NBPF15: variants seen among roughly 807,000 people sequenced by gnomAD.
NBPF15 encodes NBPF member 15.
Under a neutral mutation model 62.2 loss-of-function variants are expected in NBPF15, and 74 were observed. The ratio of observed to expected loss-of-function variants is 1.19; its 90% CI spans 0.99 to 1.44. The LOEUF is 1.44. Among genes scored for constraint, NBPF15 ranks in the 40% most tolerant of loss-of-function variants. NBPF15 has a pLI of 0.00. For missense variants in NBPF15, 790 were observed against 550.0 expected (o/e 1.44, Z -4.36); for synonymous variants, 244 against 209.7 (o/e 1.16, Z -1.41).
intron 15 of NBPF15, among the ~76,000 whole-genome samples, chr1:144,428,303 G>T (rs1476528651): frequency 5.3e-5 from 8 of 151,854 alleles, no homozygotes; most frequent in African/African-American, 1.7e-4. Context: ...ACAGTGAACA[G>T]TGATCATGAA....
At chr1:144,431,092 C>T (rs1243049370) in intron 13 of NBPF15, among the ~76,000 whole-genome samples, 7 of 151,602 alleles carry the variant, frequency 4.6e-5, no homozygotes, top group East Asian at 3.9e-4. Flanking sequence ...ACCAAATCTA[C>T]GTTTGATTGG....
At chr1:144,439,395 A>G (rs1218475666) in intron 8 of NBPF15, among the ~76,000 whole-genome samples, 4 of 152,078 alleles carry the variant, frequency 2.6e-5, no homozygotes, top group African/African-American at 9.7e-5. Context: ...AGTTTCCCTC[A>G]GAGTCACTAG....
At chr1:144,438,908 A>G (rs1297644894) in intron 8 of NBPF15, among the ~76,000 whole-genome samples, 2 of 151,912 alleles carry the variant, frequency 1.3e-5, no homozygotes, top group Admixed American at 6.6e-5. Context: ...TTTAGCAACA[A>G]GACTCTGTGC....
In NBPF15 at chr1:144,435,278, T is replaced by C. The variant is rs1558605482; in HGVS notation, c.605A>G (p.Asp202Gly). 5 of 1,611,960 alleles carry C rather than the reference T, an allele frequency of 3.1e-6. No individual in the cohort carries two copies. Among genetic ancestry groups the C allele is most frequent in the Middle Eastern group, 2.0e-4 (1 of 4,954 alleles). The change falls in exon 12 of 22, where the codon GAC becomes GGC. Residue 202 changes from aspartate to glycine, a missense_variant. By Grantham distance (94) the Asp-to-Gly change is moderately conservative (BLOSUM62 -1). Transcript: ENST00000581897. ...QKAEEKEVPE[D>G]SLEECAITCS... is the part of the protein sequence containing the mutation. The stretch of plus-strand genomic sequence containing the variant: ...AGTGATGGCACATTCCTCCAGTGAG[T>C]CCTCAGGGACTTCCTTTTCTTCAGC...
intron 17 of NBPF15, 22 bp downstream of exon 17, chr1:144,427,025 A>G (rs1553539392): frequency 1.3e-6 from 1 of 760,138 alleles, no homozygotes; most frequent in East Asian, 2.4e-5. Context: ...ACAATTAAGC[A>G]TCCATAATTG....
In NBPF15 at chr1:144,444,103, A is replaced by G. The variant is rs1225638950; in HGVS notation, c.-190-3808T>C. ...ATTCCTTCGTGTGGCTATACCATGT[A>G]TGTTTGTACTTTCACTTGTTATTGG... On this transcript the variant is annotated intron_variant, in intron 6 of 21. Coordinates refer to ENST00000581897, the MANE Select transcript of NBPF15 (RefSeq NM_001385408.1). Among the ~76,000 whole-genome samples, 4 of 151,796 alleles carry G rather than the reference A, an allele frequency of 2.6e-5. 1 individual carries two copies. The highest frequency in any genetic ancestry group is 7.3e-5 in the African/African-American group (3 of 41,256).
chr1:144,444,356 G>A (rs1346067298), intron 6 of NBPF15, among the ~76,000 whole-genome samples: 1 of 151,280 alleles, frequency 6.6e-6, no homozygotes, highest in East Asian at 1.9e-4. Context: ...TTTTTCCTGG[G>A]CCTTAAAGCA....
chr1:144,443,283 G>C (rs1684933070), intron 6 of NBPF15, among the ~76,000 whole-genome samples: 1 of 151,914 alleles, frequency 6.6e-6, no homozygotes, highest in Non-Finnish European at 1.5e-5. Flanking sequence ...TGGGCATATT[G>C]TTTGAATCTG....
chr1:144,445,760 T>G (rs1687051462), intron 6 of NBPF15, among the ~76,000 whole-genome samples: 1 of 151,408 alleles, frequency 6.6e-6, no homozygotes, highest in Non-Finnish European at 1.5e-5. Flanking sequence ...TGACAAGGTT[T>G]ATCTCCCCAC....
At chr1:144,432,349 A>C (rs1674975627) in intron 13 of NBPF15, among the ~76,000 whole-genome samples, 1 of 151,984 alleles carries the variant, frequency 6.6e-6, no homozygotes, top group Admixed American at 6.6e-5. Flanking sequence ...AGCCACTACA[A>C]AAACATGCCA....
At chr1:144,428,434 A>G (rs1490708121) in intron 15 of NBPF15, among the ~76,000 whole-genome samples, 172 bp downstream of exon 15, 12 of 152,188 alleles carry the variant, frequency 7.9e-5, no homozygotes, top group Non-Finnish European at 1.8e-4. Context: ...GTGTAGGAAG[A>G]AATGGAAACC....
In NBPF15 at chr1:144,439,413, C is replaced by T. The variant is rs587745393; in HGVS notation, c.175+416G>A. Among the ~76,000 whole-genome samples, 240 of 152,168 alleles carry T rather than the reference C, an allele frequency of 1.6e-3. 1 individual carries two copies. The highest frequency in any genetic ancestry group is 2.5e-3 in the Non-Finnish European group (168 of 67,986). ...TTCCCTCAGAGTCACTAGAACAGAG[C>T]TTTGCCTGTTGGGCCTCCACAGAAA... On this transcript the variant is annotated intron_variant, in intron 8 of 21. Transcript: ENST00000581897.
At chr1:144,433,284 T>C (rs1347833932) in intron 13 of NBPF15, among the ~76,000 whole-genome samples, 1 of 152,038 alleles carries the variant, frequency 6.6e-6, no homozygotes, top group African/African-American at 2.4e-5. Context: ...CCAGAATCTC[T>C]GAGACACATT....
At chr1:144,447,823 G>T (rs1420099509) in intron 6 of NBPF15, among the ~76,000 whole-genome samples, 3 of 152,064 alleles carry the variant, frequency 2.0e-5, no homozygotes, top group Non-Finnish European at 2.9e-5. Flanking sequence ...GAAATAAAGT[G>T]CTACATGGCA....
intron 17 of NBPF15, among the ~76,000 whole-genome samples, 159 bp from the exon 18 acceptor site, chr1:144,426,609 G>A (rs1219808276): frequency 6.6e-6 from 1 of 150,818 alleles, no homozygotes; most frequent in Non-Finnish European, 1.5e-5. Flanking sequence ...GGATAGACCA[G>A]GGCCAGGTAG....
At chr1:144,445,821 G>A (rs587768610) in intron 6 of NBPF15, among the ~76,000 whole-genome samples, 2 of 125,180 alleles carry the variant, frequency 1.6e-5, no homozygotes, top group East Asian at 2.3e-4. Flanking sequence ...AGTTTTTGGT[G>A]TACTGGCCTT....
At chr1:144,430,367 A>G (rs1218171067) in intron 13 of NBPF15, among the ~76,000 whole-genome samples, 6 of 151,910 alleles carry the variant, frequency 3.9e-5, no homozygotes, top group African/African-American at 1.2e-4. Context: ...GAAAGCATGT[A>G]TACACCTCTC....
intron 16 of NBPF15, 40 bp from the exon 17 acceptor site, chr1:144,427,138 T>C: frequency 1.8e-6 from 1 of 560,440 alleles, no homozygotes. Context: ...ATTAAGCTGG[T>C]TCTCCTACAC....
At chr1:144,447,521 C>T (rs587637515) in intron 6 of NBPF15, among the ~76,000 whole-genome samples, 2 of 151,928 alleles carry the variant, frequency 1.3e-5, no homozygotes, top group East Asian at 1.9e-4. Context: ...AGTGTGCACA[C>T]AGGGGAGCCA....
Sources: gnomAD v4.1 joint callset for allele counts (sites outside exome capture counted in the v4.1 genomes callset) on GRCh38, gnomAD v4.1.1 for gene constraint, MANE v1.5 for transcripts, NCBI Gene and HGNC (gene_info 2026-07-23, HGNC 2026-07-21) for gene names.